Variants in FADS2 observed in about 807,000 individuals in gnomAD.
FADS2 encodes fatty acid desaturase 2.
A neutral mutation model predicts 61.2 loss-of-function variants in FADS2; 18 were observed. That is an observed-to-expected ratio of 0.29 (90% confidence interval 0.20 to 0.44). FADS2 has a LOEUF of 0.44. FADS2 is among the 20% of genes least tolerant of loss of function. The pLI is 1.00. For synonymous variants in FADS2, 203 were observed against 223.9 expected (o/e 0.91, Z 0.83); for missense variants, 322 against 572.7 (o/e 0.56, Z 4.47).
rs2067470644 is a variant in FADS2 at position 61,866,366 on chromosome 11, C to G, written c.*677C>G. On this transcript the variant is annotated 3_prime_UTR_variant, in exon 12 of 12. Coordinates refer to ENST00000278840, the MANE Select transcript of FADS2 (RefSeq NM_004265.4). ...CCACCCCATCACTAGAGTGCTCTGA[C>G]CCTGGGCTTTCACGGGCCCCATTCC... 1 of 189,864 alleles carries G rather than the reference C, an allele frequency of 5.3e-6. No individual in the cohort carries two copies. The highest frequency in any genetic ancestry group is 1.1e-5 in the Non-Finnish European group (1 of 93,550). The allele number at this position is 189,864 out of a possible 1,614,324, so 11.8% of individuals were successfully genotyped here.
At chr11:61,852,778 C>A (rs145797394) in intron 5 of FADS2, among the ~76,000 whole-genome samples, 3 of 152,182 alleles carry the variant, frequency 2.0e-5, no homozygotes, top group African/African-American at 7.2e-5. Context: ...TGTCCACTTA[C>A]GTCTCTTCGT....
At chr11:61,857,325 G>T in intron 6 of FADS2, 129 bp from the exon 7 acceptor site, 1 of 873,524 alleles carries the variant, frequency 1.1e-6, no homozygotes, top group South Asian at 1.4e-5. Context: ...AGGCCCCGGG[G>T]TCCCTGGCTG....
intron 1 of FADS2, among the ~76,000 whole-genome samples, chr11:61,836,179 C>A (rs904457323): frequency 7.9e-5 from 12 of 152,116 alleles, no homozygotes; most frequent in Non-Finnish European, 1.5e-4. Flanking sequence ...CTCACTGCAA[C>A]CTCCACCTCC....
intron 1 of FADS2, among the ~76,000 whole-genome samples, chr11:61,820,349 G>A (rs957512461): frequency 6.6e-6 from 1 of 152,104 alleles, no homozygotes; most frequent in African/African-American, 2.4e-5. Flanking sequence ...CTGGAGGAGA[G>A]AGACAAGTGA....
chr11:61,863,614 C>G (rs188155518), intron 9 of FADS2, 93 bp from the exon 10 acceptor site: 21 of 1,093,150 alleles, frequency 1.9e-5, no homozygotes, highest in Non-Finnish European at 2.9e-5. Context: ...GACGGGTGGC[C>G]TGGAGACCCT....
At chr11:61,840,998 T>C (rs1265762779) in intron 4 of FADS2, among the ~76,000 whole-genome samples, 2 of 152,160 alleles carry the variant, frequency 1.3e-5, no homozygotes, top group Non-Finnish European at 2.9e-5. Flanking sequence ...TTGATGTTCC[T>C]TAGCTAAGGA....
At position 61,866,702 on chromosome 11, in the gene FADS2, C is replaced by CGGGGCTGCTGTGTG. The variant is rs1201585830; in HGVS notation, c.*1015_*1028dup. ...GGTCTCGTCCCAGCCCTCCCCATCTCGGGGCTGCTGTGTGGACGGCGCTGC... is the reference window on the plus strand; with the variant it reads ...GGTCTCGTCCCAGCCCTCCCCATCTCGGGGCTGCTGTGTGGGGGCTGCTGTGTGGACGGCGCTGC... On this transcript the variant is annotated 3_prime_UTR_variant, in exon 12 of 12. Coordinates refer to ENST00000278840, the MANE Select transcript of FADS2 (RefSeq NM_004265.4). The CGGGGCTGCTGTGTG allele has an allele frequency of 3.3e-5, 5 of 152,688 alleles. No homozygotes were observed. The highest frequency in any genetic ancestry group is 7.3e-5 in the Non-Finnish European group (5 of 68,312). The allele number at this position is 152,688 out of a possible 1,614,324, so 9.5% of individuals were successfully genotyped here.
chr11:61,856,550 G>A (rs78805513), intron 5 of FADS2: 3,698 of 155,084 alleles, frequency 0.024, 147 homozygotes, highest in African/African-American at 0.084. Context: ...GGCTCCGGGA[G>A]CTCTCCATGG....
At chr11:61,825,982 C>T, upstream of FADS2, 1 of 679,210 alleles carries the variant, frequency 1.5e-6, no homozygotes, top group East Asian at 2.7e-5. Context: ...GCCTCCCCTC[C>T]CCTCTCCTCG....
chr11:61,853,622 ACTGT>A (rs2067330197), intron 5 of FADS2, among the ~76,000 whole-genome samples: 1 of 151,816 alleles, frequency 6.6e-6, no homozygotes, highest in African/African-American at 2.4e-5. Context: ...TGCTGCTCTG[ACTGT>A]CTGAAGCTAA....
chr11:61,840,575 G>T (rs1009125017), intron 3 of FADS2, 44 bp downstream of exon 3: 3 of 1,613,512 alleles, frequency 1.9e-6, no homozygotes, highest in Non-Finnish European at 2.5e-6. Flanking sequence ...CAGAGGCCTG[G>T]TGCCTGTTTG....
chr11:61,858,744 C>G (rs1422413039), intron 7 of FADS2, among the ~76,000 whole-genome samples: 2 of 151,994 alleles, frequency 1.3e-5, no homozygotes, highest in South Asian at 2.1e-4. Context: ...GGCCACCATG[C>G]CTGGCTAATT....
upstream of FADS2, among the ~76,000 whole-genome samples, chr11:61,824,238 G>C: frequency 6.6e-6 from 1 of 151,658 alleles, no homozygotes; most frequent in Admixed American, 6.6e-5. Context: ...AAAATTAGCT[G>C]GGTGTGGTGG....
rs1042282444 is a variant in FADS2, at chr11:61,865,985, C to T, written c.*296C>T. On this transcript the variant is annotated 3_prime_UTR_variant, in exon 12 of 12. Coordinates refer to ENST00000278840, the MANE Select transcript of FADS2 (RefSeq NM_004265.4). This position sits in a 1 kb window ranked among gnomAD's most constrained non-coding sequence, Gnocchi z 4.1. The stretch of plus-strand genomic sequence containing the variant: ...AGGTGGCCACCGGGGGTGGCTCTGT[C>T]CTACCTCCACTCTCTGCCCCTAAAG... 4.1e-6 allele frequency: 2 copies of T among 492,942 alleles called. No homozygotes were observed. The highest frequency in any genetic ancestry group is 7.2e-6 in the Non-Finnish European group (2 of 276,922). 30.5% of individuals were successfully genotyped at this position (492,942 alleles called of 1,614,324 possible). A position where few individuals can be genotyped will look rare whatever the true frequency, so the allele number is the denominator to read the frequency against.
chr11:61,816,477 C>T lies in FADS2; in HGVS notation c.141+51C>T, dbSNP rs2066984920. On this transcript the variant is annotated intron_variant, in intron 1 of 11. Transcript: ENST00000257261. This position sits in a 1 kb window ranked among gnomAD's most constrained non-coding sequence, Gnocchi z 7.0. ...CCTCCGAATTAGTCGGTGTTTGGCT[C>T]GGAGTGCGTAACTCTGTCTCCCCTG... 5.0e-6 allele frequency: 8 copies of T among 1,601,150 alleles called. No individual in the cohort carries two copies. The highest frequency in any genetic ancestry group is 6.8e-6 in the Non-Finnish European group (8 of 1,179,148).
Position 61,816,856 on chromosome 11 carries a change from A to G in FADS2, c.141+430A>G. The G allele has an allele frequency of 2.7e-6, 4 of 1,483,074 alleles. No individual in the cohort carries two copies. In the South Asian group the frequency reaches 5.1e-5, roughly 19 times the overall value. The allele number at this position is 1,483,074 out of a possible 1,614,324, so 91.9% of individuals were successfully genotyped here. ...GGAGTGGATTTGCTGGCGCGCGCCCAGAGCCAGCCGCCTGCGCGCCGGGTT... is the reference window on the plus strand; with the variant it reads ...GGAGTGGATTTGCTGGCGCGCGCCCGGAGCCAGCCGCCTGCGCGCCGGGTT... On this transcript the variant is annotated intron_variant, in intron 1 of 11. Coordinates refer to the FADS2 transcript ENST00000257261. This position sits in a 1 kb window ranked among gnomAD's most constrained non-coding sequence, Gnocchi z 7.0.
Position 61,837,890 on chromosome 11 carries a change from T to A in FADS2, c.318+2T>A. The A allele has an allele frequency of 6.2e-7, 1 of 1,608,942 alleles. No individual in the cohort carries two copies. Among genetic ancestry groups the A allele is most frequent in the Non-Finnish European group, 8.5e-7 (1 of 1,176,382 alleles). On this transcript the variant is annotated splice_donor_variant, in intron 2 of 11. Transcript: ENST00000278840. LOFTEE classifies it high-confidence loss of function. ...CCCAGCCAGGACCACGGCAAGAACG[T>A]AAGTCTGGCTTGCAACCTGGGTGGG...
intron 7 of FADS2, among the ~76,000 whole-genome samples, chr11:61,860,880 C>T (rs2067407991): frequency 6.6e-6 from 1 of 152,070 alleles, no homozygotes; most frequent in Non-Finnish European, 1.5e-5. Context: ...TGCACTCAAG[C>T]CTGGGCAACA....
chr11:61,828,580 G>T lies in FADS2; in HGVS notation c.190G>T (p.Ala64Ser). The change falls in exon 1 of 12, where the codon GCT (alanine) becomes TCT (serine). Residue 64 changes from alanine to serine, a missense_variant. This residue lies in a region of FADS2 where 61 missense variants were observed against 107.4 expected (regional missense o/e 0.57). Coordinates refer to ENST00000278840, the MANE Select transcript of FADS2 (RefSeq NM_004265.4). This position sits in a 1 kb window ranked among gnomAD's most constrained non-coding sequence, Gnocchi z 6.4. ...PGGQRVIGHY[A>S]GEDATDAFRA... Reference sequence around the variant, plus strand: ...GGGCCAGCGGGTCATCGGGCACTACGCTGGAGAAGATGCAACGGTAAGGGT... The same window carrying T: ...GGGCCAGCGGGTCATCGGGCACTACTCTGGAGAAGATGCAACGGTAAGGGT... 1 of 1,613,778 alleles carries T rather than the reference G, an allele frequency of 6.2e-7. No individual in the cohort carries two copies. The highest frequency in any genetic ancestry group is 8.5e-7 in the Non-Finnish European group (1 of 1,179,906).
Sources: allele counts gnomAD v4.1 joint callset (sites outside exome capture counted in the v4.1 genomes callset), GRCh38; gene constraint gnomAD v4.1.1; regional missense constraint gnomAD v4.1.1; non-coding constraint Gnocchi (gnomAD v3.1); transcripts MANE v1.5; gene names NCBI Gene and HGNC (gene_info 2026-07-23, HGNC 2026-07-21).